Variants in GMDS observed in about 807,000 individuals in gnomAD.
The protein encoded by GMDS is GDP-mannose 4,6 dehydratase.
Under a neutral mutation model 49.9 loss-of-function variants are expected in GMDS, and 20 were observed. The observed-to-expected ratio is 0.40, with a 90% CI of 0.28 to 0.58. The LOEUF is 0.58. Ranked by LOEUF, GMDS falls within the 20% of genes least tolerant of loss-of-function variation. GMDS has a pLI of 0.42. For missense variants in GMDS, 362 were observed against 481.4 expected, an observed-to-expected ratio of 0.75 and a Z score of 2.32; for synonymous variants, 177 against 178.6, an observed-to-expected ratio of 0.99 and a Z score of 0.07.
chr6:2,020,803 A>G (rs1185211082), intron 4 of GMDS, among the ~76,000 whole-genome samples: 1 of 152,224 alleles, frequency 6.6e-6, no homozygotes, highest in African/African-American at 2.4e-5. Flanking sequence ...TAAAAATAAT[A>G]CAGCTACTCA....
chr6:1,676,482 C>T (rs1262539922), intron 9 of GMDS, among the ~76,000 whole-genome samples: 1 of 152,192 alleles, frequency 6.6e-6, no homozygotes, highest in Non-Finnish European at 1.5e-5. Context: ...TAAGACAATC[C>T]TAAGCAAAAA....
At chr6:2,202,846 A>G (rs1444767797) in intron 1 of GMDS, among the ~76,000 whole-genome samples, 1 of 152,162 alleles carries the variant, frequency 6.6e-6, no homozygotes, top group African/African-American at 2.4e-5. Flanking sequence ...AGACGGAAAC[A>G]AAGAAGGTTC....
chr6:2,000,693 G>A (rs1038651795), intron 4 of GMDS, among the ~76,000 whole-genome samples: 4 of 151,974 alleles, frequency 2.6e-5, no homozygotes, highest in African/African-American at 4.8e-5. Flanking sequence ...ACAGGGTCTC[G>A]CTCTTTTGCT....
At chr6:2,245,159 C>G (rs1232738171) in intron 1 of GMDS, among the ~76,000 whole-genome samples, 162 bp downstream of exon 1, 5 of 152,362 alleles carry the variant, frequency 3.3e-5, no homozygotes, top group Non-Finnish European at 2.9e-5. Flanking sequence ...ACGCAACACA[C>G]TAACTGCACC....
intron 1 of GMDS, among the ~76,000 whole-genome samples, chr6:2,193,720 A>ATTTT (rs35997013): frequency 2.3e-4 from 26 of 111,788 alleles, no homozygotes; most frequent in African/African-American, 7.1e-4. Context: ...TGAAAATGCT[A>ATTTT]TTTTTTTTTT....
intron 6 of GMDS, among the ~76,000 whole-genome samples, chr6:1,940,218 C>T (rs561998307): frequency 2.0e-5 from 3 of 152,374 alleles, no homozygotes; most frequent in African/African-American, 7.2e-5. Context: ...CATTATCCAT[C>T]CATATCCAAA....
At chr6:2,043,112 G>A (rs893146317) in intron 4 of GMDS, among the ~76,000 whole-genome samples, 13 of 152,176 alleles carry the variant, frequency 8.5e-5, no homozygotes, top group Admixed American at 1.3e-4. Flanking sequence ...CAAGCAGAAG[G>A]TTCCTGCCGT....
chr6:1,675,981 G>A (rs1377413127), intron 9 of GMDS, among the ~76,000 whole-genome samples: 3 of 152,068 alleles, frequency 2.0e-5, no homozygotes, highest in Non-Finnish European at 4.4e-5. Flanking sequence ...ATACATTCTT[G>A]GACACATACA....
intron 7 of GMDS, among the ~76,000 whole-genome samples, chr6:1,816,482 G>A (rs1308665941): frequency 6.6e-6 from 1 of 152,042 alleles, no homozygotes; most frequent in Non-Finnish European, 1.5e-5. Context: ...CCATTAATTC[G>A]ATTTATTCAT....
At chr6:2,065,788 C>T (rs1195032779) in intron 4 of GMDS, among the ~76,000 whole-genome samples, 3 of 152,134 alleles carry the variant, frequency 2.0e-5, no homozygotes, top group Admixed American at 6.5e-5. Context: ...ACCAAATCTA[C>T]GTCTGATTGG....
chr6:1,722,009 C>T (rs1193975851), intron 9 of GMDS, among the ~76,000 whole-genome samples: 1 of 148,214 alleles, frequency 6.7e-6, no homozygotes, highest in Admixed American at 6.7e-5. Context: ...AAGTCACTAA[C>T]AATGTCGTTC....
chr6:1,941,069 T>TC (rs1324337056), intron 6 of GMDS, among the ~76,000 whole-genome samples: 2 of 150,266 alleles, frequency 1.3e-5, no homozygotes, highest in African/African-American at 4.9e-5. Context: ...ATCCCCAAAA[T>TC]AAAAAAAAAA....
intron 7 of GMDS, among the ~76,000 whole-genome samples, chr6:1,897,950 G>GGCCTCCCTT (rs1170133356): frequency 2.5e-3 from 294 of 118,834 alleles, no homozygotes; most frequent in South Asian, 3.2e-3. Flanking sequence ...CACCTATCCT[G>GGCCTCCCTT]GCCACCCTTG....
Position 1,636,585 on chromosome 6 carries a change from G to A in GMDS, c.988-12045C>T, listed in dbSNP as rs561836664. Among the ~76,000 whole-genome samples the A allele has an allele frequency of 5.3e-5, 8 of 152,350 alleles. No homozygotes were observed. The South Asian group carries it at 1.2e-3, about 24-fold the overall frequency. On this transcript the variant is annotated intron_variant, in intron 9 of 10. Coordinates refer to ENST00000380815, the MANE Select transcript of GMDS (RefSeq NM_001500.4). ...TCTCTGGCCGTCCTGAAGGTGCCTG[G>A]AAGGTTGGTGCTGATGCGGCCCCCA...
intron 9 of GMDS, among the ~76,000 whole-genome samples, chr6:1,637,002 A>G (rs554791863): frequency 1.8e-4 from 27 of 152,360 alleles, no homozygotes; most frequent in Non-Finnish European, 3.2e-4. Context: ...TGGTGCTCGC[A>G]TAACACCTTG....
rs114591535 is a variant in GMDS, at chr6:1,632,084, T to G, written c.988-7544A>C. Among the ~76,000 whole-genome samples, 858 of 152,336 alleles carry G rather than the reference T, an allele frequency of 5.6e-3. 10 individuals carry two copies. Among genetic ancestry groups the G allele is most frequent in the African/African-American group, 0.02 (836 of 41,570 alleles). On this transcript the variant is annotated intron_variant, in intron 9 of 10. Transcript: ENST00000380815. ...TCTTCATGAGAGGAACAAAGTCCTA[T>G]ACCGAAATGTATCTGCAGAGGTATT...
chr6:2,162,944 C>CT (rs1193642874), intron 1 of GMDS, among the ~76,000 whole-genome samples: 1 of 152,170 alleles, frequency 6.6e-6, no homozygotes, highest in Non-Finnish European at 1.5e-5. Flanking sequence ...CTCACTCACT[C>CT]TATCGGCTCT....
chr6:1,983,851 C>A (rs1244815853), intron 4 of GMDS, among the ~76,000 whole-genome samples: 1 of 152,184 alleles, frequency 6.6e-6, no homozygotes, highest in African/African-American at 2.4e-5. Flanking sequence ...ACCATTTTAT[C>A]CAGCAATCCC....
At chr6:2,208,348 C>T (rs1779900515) in intron 1 of GMDS, among the ~76,000 whole-genome samples, 1 of 152,158 alleles carries the variant, frequency 6.6e-6, no homozygotes, top group Non-Finnish European at 1.5e-5. Flanking sequence ...GTTAGCTTAT[C>T]TACATTCAAT....
Sources: allele counts gnomAD v4.1 joint callset (sites outside exome capture counted in the v4.1 genomes callset), GRCh38; gene constraint gnomAD v4.1.1; transcripts MANE v1.5; gene names NCBI Gene and HGNC (gene_info 2026-07-23, HGNC 2026-07-21).